The following TSPEAR variants were observed in gnomAD, a reference collection of about 807,000 sequenced individuals.
TSPEAR encodes the protein thrombospondin type laminin G domain and EAR repeats, also known as thrombospondin-type laminin G domain and EAR repeat-containing protein.
In TSPEAR, 69 loss-of-function variants were observed where a neutral mutation model predicts 71.6. That is an observed-to-expected ratio of 0.96 (90% CI 0.79 to 1.18). The LOEUF (loss-of-function observed/expected upper bound fraction) is 1.18, where lower values mean the gene tolerates loss of function less well. TSPEAR is among the 50% of genes most tolerant of loss of function. The pLI, the probability that TSPEAR is intolerant of heterozygous loss-of-function variation, is 0.00. For synonymous variants in TSPEAR, 402 were observed against 387.2 expected, an observed-to-expected ratio of 1.04 and a Z score of -0.45; for missense variants, 971 against 894.9, an observed-to-expected ratio of 1.09 and a Z score of -1.09.
At chr21:44,550,265 A>G (rs1601401505) in intron 2 of TSPEAR, 1 of 227,208 alleles carries the variant, frequency 4.4e-6, no homozygotes, top group East Asian at 1.0e-4. Context: ...TGGGGAAGTA[A>G]AGAGATCCAC....
intron 1 of TSPEAR, among the ~76,000 whole-genome samples, chr21:44,700,213 C>T (rs534584116): frequency 7.2e-5 from 11 of 152,182 alleles, no homozygotes; most frequent in African/African-American, 1.9e-4. Context: ...TGACTTCAGG[C>T]GACACTCTGC....
rs117989616 is a variant in TSPEAR at position 44,564,917 on chromosome 21, A to G, written c.303+2868T>C. 4.5e-3 allele frequency among the ~76,000 whole-genome samples: 690 copies of G among 152,292 alleles called. 5 individuals are homozygous for G. The highest frequency in any genetic ancestry group is 8.2e-3 in the Non-Finnish European group (558 of 68,012). The stretch of plus-strand genomic sequence containing the variant: ...AAACCTCCAGTAAATTTAAAAAGAC[A>G]GAAATAATGCAAAGTATGTATTCTG... On this transcript the variant is annotated intron_variant, in intron 2 of 11. Coordinates refer to ENST00000323084, the MANE Select transcript of TSPEAR (RefSeq NM_144991.3).
chr21:44,559,634 A>T (rs1402015674), intron 2 of TSPEAR, among the ~76,000 whole-genome samples: 5 of 152,162 alleles, frequency 3.3e-5, no homozygotes, highest in Non-Finnish European at 5.9e-5. Flanking sequence ...ACATTGTCAT[A>T]GTAAATGTAC....
rs2052704290 is a variant in TSPEAR, at chr21:44,520,145, AT to A, written c.1566+1737del. On this transcript the variant is annotated intron_variant, in intron 9 of 11. Transcript: ENST00000323084. The surrounding 1 kb of genome is among the most constrained non-coding windows in gnomAD (Gnocchi z 4.2). ...CTCCTCACCTGGGCGCCTGCGGCTC[AT>A]CTGGGCGGCCACAGCAGCCTCCCAA... 6.6e-6 allele frequency: 1 copy of A among 152,484 alleles called. No homozygotes were observed. Among genetic ancestry groups the A allele is most frequent in the African/African-American group, 2.4e-5 (1 of 41,404 alleles). The allele number at this position is 152,484 out of a possible 1,614,324, so 9.4% of individuals were successfully genotyped here.
At position 44,658,139 on chromosome 21, in the gene TSPEAR, G is replaced by A. The variant is rs74937137; in HGVS notation, c.82+53294C>T. 3.4e-3 allele frequency: 5,467 copies of A among 1,613,854 alleles called. 52 individuals are homozygous for A. The highest frequency in any genetic ancestry group is 0.032 in the African/African-American group (2,385 of 74,908). ...CGTGGCTCCCTCCTGCCAGCCCTCCGTGTGCGTGCCCGTGAGCTGCAGGCC... is the reference window on the plus strand; with the variant it reads ...CGTGGCTCCCTCCTGCCAGCCCTCCATGTGCGTGCCCGTGAGCTGCAGGCC... On this transcript the variant is annotated intron_variant, in intron 1 of 11. Transcript: ENST00000323084.
intron 3 of TSPEAR, among the ~76,000 whole-genome samples, chr21:44,531,464 A>T (rs1197209791): frequency 1.3e-5 from 2 of 152,064 alleles, no homozygotes; most frequent in African/African-American, 4.8e-5. Context: ...GATCCTAGTC[A>T]CACTGGAGCA....
At position 44,527,486 on chromosome 21, in the gene TSPEAR, G is replaced by C. The variant is rs782359643; in HGVS notation, c.955C>G (p.Gln319Glu). 1.3e-5 allele frequency: 21 copies of C among 1,614,232 alleles called. 1 individual carries two copies. The South Asian group carries it at 2.3e-4, about 18-fold the overall frequency. ...GTCTCTGAGTTGGTGGACAAGTTCT[G>C]ATGCTCCTCCACGTAGTCCAGTCTT... ...KERLDYVEEHQNLSTNSETLG... is the reference protein window; with the variant it reads ...KERLDYVEEHENLSTNSETLG... Residue 319 changes from glutamine to glutamate, a missense_variant, in exon 7 of 12, where the codon CAG (glutamine) becomes GAG (glutamate). Physicochemically the swap from Gln to Glu is conservative, Grantham distance 29. Transcript: ENST00000323084.
intron 8 of TSPEAR, among the ~76,000 whole-genome samples, chr21:44,522,478 C>T (rs2052755526): frequency 6.6e-6 from 1 of 152,206 alleles, no homozygotes; most frequent in Non-Finnish European, 1.5e-5. Context: ...CGCACTGCCA[C>T]CTCTGCCCGG....
intron 9 of TSPEAR, among the ~76,000 whole-genome samples, chr21:44,511,894 C>T (rs587711946): frequency 1.2e-4 from 18 of 152,354 alleles, no homozygotes; most frequent in African/African-American, 4.1e-4. Flanking sequence ...CAAGTTGGGG[C>T]TGAGCCGGGC....
rs193131702 is a variant in TSPEAR at position 44,613,988 on chromosome 21, C to T, written c.83-45983G>A. Among the ~76,000 whole-genome samples the T allele has an allele frequency of 3.1e-4, 47 of 152,102 alleles. No individual in the cohort carries two copies. The East Asian group carries it at 9.1e-3, about 30-fold the overall frequency. The stretch of plus-strand genomic sequence containing the variant: ...ACGGCTCCAGCTCAGGCCTCTCCTC[C>T]TCCCACCCTGCCCAGCGGCATAGGG... On this transcript the variant is annotated intron_variant, in intron 1 of 11. Coordinates refer to ENST00000323084, the MANE Select transcript of TSPEAR (RefSeq NM_144991.3).
intron 2 of TSPEAR, among the ~76,000 whole-genome samples, chr21:44,567,307 C>G (rs1167745217): frequency 6.6e-6 from 1 of 152,032 alleles, no homozygotes; most frequent in Admixed American, 6.6e-5. Context: ...TCAGAAGGAC[C>G]TGCTGCACAG....
intron 1 of TSPEAR, among the ~76,000 whole-genome samples, chr21:44,602,337 A>G (rs587628544): frequency 2.6e-5 from 4 of 152,304 alleles, no homozygotes; most frequent in Admixed American, 2.6e-4. Flanking sequence ...AGGGGTAGGC[A>G]GGACTGAGGG....
chr21:44,681,944 G>C, intron 1 of TSPEAR: 1 of 1,614,172 alleles, frequency 6.2e-7, no homozygotes, highest in Non-Finnish European at 8.5e-7. Context: ...CGACGGGCCT[G>C]CAGCTCACGG....
intron 1 of TSPEAR, among the ~76,000 whole-genome samples, chr21:44,598,385 G>A (rs1209703960): frequency 2.0e-5 from 3 of 152,220 alleles, no homozygotes; most frequent in Non-Finnish European, 2.9e-5. Context: ...TTTGTTCTGT[G>A]TGCTCTCGTG....
rs587732065 is a variant in TSPEAR at position 44,637,053 on chromosome 21, C to T, written c.83-69048G>A. Reference sequence around the variant, plus strand: ...GGCTGGGCCTCCCCCAGGCTGAGGGCCCACGCTGGGCACAGTCACGGGACC... The same window carrying T: ...GGCTGGGCCTCCCCCAGGCTGAGGGTCCACGCTGGGCACAGTCACGGGACC... On this transcript the variant is annotated intron_variant, in intron 1 of 11. Coordinates refer to ENST00000323084, the MANE Select transcript of TSPEAR (RefSeq NM_144991.3). 1.1e-4 allele frequency among the ~76,000 whole-genome samples: 16 copies of T among 152,304 alleles called. No homozygotes were observed. The South Asian group carries it at 2.9e-3, about 28-fold the overall frequency.
At chr21:44,681,312 A>G (rs1986574588) in intron 1 of TSPEAR, among the ~76,000 whole-genome samples, 1 of 152,184 alleles carries the variant, frequency 6.6e-6, no homozygotes, top group Admixed American at 6.5e-5. Context: ...GCTGGCCTGG[A>G]GCAGGAGTGG....
Position 44,524,006 on chromosome 21 carries a change from GTAGT to G in TSPEAR, c.1336+1643_1336+1646del, listed in dbSNP as rs1391260566. Among the ~76,000 whole-genome samples the G allele has an allele frequency of 4.6e-5, 7 of 151,752 alleles. No individual in the cohort carries two copies. In the East Asian group the frequency reaches 5.8e-4, roughly 13 times the overall value. On this transcript the variant is annotated intron_variant, in intron 8 of 11. Coordinates refer to ENST00000323084, the MANE Select transcript of TSPEAR (RefSeq NM_144991.3). ...AGTCATCAGTCAGGTAGTCAGTCAG[GTAGT>G]TAGTCATCAGTCAGGTAGTTAGTCA...
In TSPEAR at chr21:44,676,209, C is replaced by T. The variant is rs782148648; in HGVS notation, c.82+35224G>A. ...TTCTGGTTTAATCAATCATTGCTAC[C>T]CTTCGGGCCAGTTTTTGAACAGCAT... On this transcript the variant is annotated intron_variant, in intron 1 of 11. Coordinates refer to ENST00000323084, the MANE Select transcript of TSPEAR (RefSeq NM_144991.3). The T allele has an allele frequency of 3.8e-5, 50 of 1,310,854 alleles. No individual in the cohort carries two copies. The Middle Eastern group carries it at 9.8e-4, about 26-fold the overall frequency. 81.2% of individuals were successfully genotyped at this position (1,310,854 alleles called of 1,614,324 possible).
At chr21:44,550,846 C>T (rs781814591) in intron 2 of TSPEAR, 1 of 1,530,414 alleles carries the variant, frequency 6.5e-7, no homozygotes, top group Non-Finnish European at 8.9e-7. Context: ...GGAGAGGAAG[C>T]CCCAGAGCAA....
Sources: allele counts gnomAD v4.1 joint callset (sites outside exome capture counted in the v4.1 genomes callset), GRCh38; gene constraint gnomAD v4.1.1; non-coding constraint Gnocchi (gnomAD v3.1); transcripts MANE v1.5; gene names NCBI Gene and HGNC (gene_info 2026-07-23, HGNC 2026-07-21).